DCHS2: variants seen among roughly 807,000 people sequenced by gnomAD.
DCHS2 encodes the protein dachsous cadherin-related 2.
Under a neutral mutation model 182.4 loss-of-function variants are expected in DCHS2, and 142 were observed. The observed-to-expected ratio is 0.78, with a 90% CI of 0.68 to 0.89. DCHS2 has a LOEUF of 0.89. Among genes scored for constraint, DCHS2 ranks in the 40% least tolerant of loss-of-function variants. The pLI is 0.00. For missense variants in DCHS2, 4,319 were observed against 4,198.6 expected (o/e 1.03, Z -0.79); for synonymous variants, 1,740 against 1,663.3 (o/e 1.05, Z -1.12).
Position 154,234,932 on chromosome 4 carries a change from C to T in DCHS2, c.9720G>A (p.Trp3240Ter), listed in dbSNP as rs1731382214. 6.2e-7 allele frequency: 1 copy of T among 1,613,748 alleles called. No individual in the cohort carries two copies. Among genetic ancestry groups the T allele is most frequent in the Non-Finnish European group, 8.5e-7 (1 of 1,179,902 alleles). ...DNYHWNYLLSWEPKFQPLASV... is the reference protein window; with the variant it reads ...DNYHWNYLLS ...AGGCAAGAGGTTGGAATTTGGGCTCCCAACTAAGAAGATAATTCCAGTGAT... is the reference window on the plus strand; with the variant it reads ...AGGCAAGAGGTTGGAATTTGGGCTCTCAACTAAGAAGATAATTCCAGTGAT... Residue 3240 changes from tryptophan to a stop codon, truncating the protein, a stop_gained, in exon 20 of 20, where the codon TGG becomes TGA. Coordinates refer to ENST00000357232, the MANE Select transcript of DCHS2 (RefSeq NM_001358235.2). LOFTEE classifies it low-confidence loss of function (END_TRUNC).
intron 1 of DCHS2, among the ~76,000 whole-genome samples, chr4:154,465,941 G>C (rs1324018525): frequency 1.3e-5 from 2 of 152,090 alleles, no homozygotes; most frequent in African/African-American, 4.8e-5. Flanking sequence ...GATCCATAAA[G>C]CTTCAGATAT....
At chr4:154,459,012 T>C (rs897442811) in intron 1 of DCHS2, among the ~76,000 whole-genome samples, 2 of 152,224 alleles carry the variant, frequency 1.3e-5, no homozygotes, top group African/African-American at 4.8e-5. Context: ...ATAACTGCTT[T>C]CATCAACTGA....
chr4:154,277,375 A>T (rs1056385591), intron 13 of DCHS2, among the ~76,000 whole-genome samples: 2 of 152,178 alleles, frequency 1.3e-5, no homozygotes, highest in Non-Finnish European at 2.9e-5. Context: ...GGCTTACCGC[A>T]GTGCCAGAGA....
Position 154,298,062 on chromosome 4 carries a change from A to G in DCHS2, c.6252T>C (p.Phe2084=). The G allele has an allele frequency of 6.2e-7, 1 of 1,614,126 alleles. No individual in the cohort carries two copies. The highest frequency in any genetic ancestry group is 8.5e-7 in the Non-Finnish European group (1 of 1,180,006). The change falls in exon 13 of 20, where the codon TTT becomes TTC. Residue 2084 remains phenylalanine (F), a synonymous_variant. Transcript: ENST00000357232. ...VFSFAETQSM[F]SIDKYTGEIQ... ...TTTCTCCTGTGTATTTATCAATAGA[A>G]AACATTGACTGGGTCTCTGCAAAAC...
intron 1 of DCHS2, among the ~76,000 whole-genome samples, chr4:154,410,470 C>CA (rs61280673): frequency 0.12 from 8,181 of 70,232 alleles, 1,217 homozygotes; most frequent in African/African-American, 0.36. Context: ...ACCCAGAGGG[C>CA]AAAAAAAAAA....
chr4:154,482,895 G>T (rs1735975241), intron 1 of DCHS2, among the ~76,000 whole-genome samples: 1 of 152,202 alleles, frequency 6.6e-6, no homozygotes, highest in African/African-American at 2.4e-5. Flanking sequence ...AGGAAGCATA[G>T]TTACCTGTAA....
chr4:154,463,785 A>C (rs567363478), intron 1 of DCHS2, among the ~76,000 whole-genome samples: 4 of 151,782 alleles, frequency 2.6e-5, no homozygotes, highest in Non-Finnish European at 4.4e-5. Flanking sequence ...CAATACAACA[A>C]ATTTTTAAAA....
At position 154,234,797 on chromosome 4, in the gene DCHS2, G is replaced by C. The variant is rs1292117828; in HGVS notation, c.9855C>G (p.Ala3285=). The stretch of plus-strand genomic sequence containing the variant: ...GTGGGACTGCTTTAATCCCAGGCTG[G>C]GCTACTGCTGTTATCAAAGGGGGTG... ...VFPPPLITAV[A]QPGIKAVPPR... The change falls in exon 20 of 20, where the codon GCC becomes GCG. Residue 3285 remains alanine (A), a synonymous_variant. Transcript: ENST00000357232. 6.2e-7 allele frequency: 1 copy of C among 1,613,956 alleles called. No individual in the cohort carries two copies. The highest frequency in any genetic ancestry group is 8.5e-7 in the Non-Finnish European group (1 of 1,179,912).
At chr4:154,370,044 C>T (rs961501024) in intron 2 of DCHS2, among the ~76,000 whole-genome samples, 1 of 152,122 alleles carries the variant, frequency 6.6e-6, no homozygotes, top group African/African-American at 2.4e-5. Context: ...TCTCTCAGCT[C>T]TTGTGAGCTG....
chr4:154,411,256 A>G (rs1278014456), intron 1 of DCHS2, among the ~76,000 whole-genome samples: 1 of 151,822 alleles, frequency 6.6e-6, no homozygotes, highest in Non-Finnish European at 1.5e-5. Flanking sequence ...TATCAGGTAG[A>G]AATAAGGAGA....
intron 2 of DCHS2, among the ~76,000 whole-genome samples, chr4:154,376,383 A>G (rs1730893369): frequency 6.6e-6 from 1 of 152,064 alleles, no homozygotes; most frequent in Non-Finnish European, 1.5e-5. Flanking sequence ...AAAATCCAGG[A>G]ATTTATACTC....
chr4:154,383,745 A>G (rs921966305), intron 1 of DCHS2, among the ~76,000 whole-genome samples: 7 of 152,118 alleles, frequency 4.6e-5, no homozygotes, highest in African/African-American at 1.7e-4. Context: ...ACTCCACCCA[A>G]AAGGCATGAT....
rs67157369 is a variant in DCHS2, at chr4:154,247,635, C to CAAAAAAAAAAAA, written c.6942-4875_6942-4864dup. 3.8e-4 allele frequency among the ~76,000 whole-genome samples: 38 copies of CAAAAAAAAAAAA among 100,108 alleles called. 2 individuals are homozygous for CAAAAAAAAAAAA. The highest frequency in any genetic ancestry group is 1.5e-3 in the African/African-American group (36 of 24,716). The allele number at this position is 100,108 out of a possible 152,430, so 65.7% of individuals were successfully genotyped here. On this transcript the variant is annotated intron_variant, in intron 16 of 19. Coordinates refer to ENST00000357232, the MANE Select transcript of DCHS2 (RefSeq NM_001358235.2). ...CTGGGTGAAGAGCAAGACTCCGTCT[C>CAAAAAAAAAAAA]AAAAAAAAAAAAAAAAAAAAAAAAA...
chr4:154,384,946 T>C (rs991621128), intron 1 of DCHS2, among the ~76,000 whole-genome samples: 2 of 152,130 alleles, frequency 1.3e-5, no homozygotes, highest in African/African-American at 4.8e-5. Flanking sequence ...TATTATACTT[T>C]AAGTTTTAGG....
intron 1 of DCHS2, among the ~76,000 whole-genome samples, chr4:154,398,865 A>G (rs76567941): frequency 6.6e-6 from 1 of 152,366 alleles, no homozygotes; most frequent in East Asian, 1.9e-4. Context: ...ATAGAGGATT[A>G]CAGGTCTATA....
rs1416996344 is a variant in DCHS2, at chr4:154,388,746, G to A, written c.2053-11302C>T. 5.9e-5 allele frequency among the ~76,000 whole-genome samples: 9 copies of A among 151,942 alleles called. 1 individual carries two copies. The highest frequency in any genetic ancestry group is 4.2e-4 in the South Asian group (2 of 4,806). The stretch of plus-strand genomic sequence containing the variant: ...CCTGACCTCGTGATCCACCCGCCTC[G>A]GCCTCCCAAAGTGCTGGGATTACAG... On this transcript the variant is annotated intron_variant, in intron 1 of 19. Transcript: ENST00000357232.
In DCHS2 at chr4:154,235,681, C is replaced by G. The variant is rs181609649; in HGVS notation, c.8971G>C (p.Ala2991Pro). The stretch of plus-strand genomic sequence containing the variant: ...ACCAGGCTGATTGAAAAGCTGCTGG[C>G]GAACACTGCCAAGGGTGTTCCTTCA... The part of the protein sequence containing the change: ...SSEGTPLAVF[A>P]SSFSISLVVS... The change falls in exon 20 of 20, where the codon GCC (alanine) becomes CCC (proline). Residue 2991 changes from alanine (A) to proline (P), a missense_variant. Coordinates refer to ENST00000357232, the MANE Select transcript of DCHS2 (RefSeq NM_001358235.2). 1.2e-6 allele frequency: 2 copies of G among 1,613,952 alleles called. No individual in the cohort carries two copies. The highest frequency in any genetic ancestry group is 2.7e-5 in the African/African-American group (2 of 75,028).
rs748268690 is a variant in DCHS2, at chr4:154,240,836, T to C, written c.7073-13A>G. On this transcript the variant is annotated splice_polypyrimidine_tract_variant and intron_variant, in intron 17 of 19. Coordinates refer to ENST00000357232, the MANE Select transcript of DCHS2 (RefSeq NM_001358235.2). ...CCAGGCAAAGAATCTGAAATAGTCATGACCAGTGTCAGTCTCCATTAAAAT... is the reference window on the plus strand; with the variant it reads ...CCAGGCAAAGAATCTGAAATAGTCACGACCAGTGTCAGTCTCCATTAAAAT... 3.7e-6 allele frequency: 6 copies of C among 1,612,284 alleles called. No homozygotes were observed. Among genetic ancestry groups the C allele is most frequent in the Admixed American group, 1.7e-5 (1 of 59,936 alleles).
intron 13 of DCHS2, among the ~76,000 whole-genome samples, chr4:154,279,922 A>G (rs1734049214): frequency 6.6e-6 from 1 of 152,002 alleles, no homozygotes; most frequent in Non-Finnish European, 1.5e-5. Context: ...GAAAAAAACA[A>G]TGGAACTAAG....
Sources: allele counts gnomAD v4.1 joint callset (sites outside exome capture counted in the v4.1 genomes callset), GRCh38; gene constraint gnomAD v4.1.1; transcripts MANE v1.5; gene names NCBI Gene and HGNC (gene_info 2026-07-23, HGNC 2026-07-21).